The following VSIG10L2 variants were observed in gnomAD, a reference collection of about 807,000 sequenced individuals.
The protein encoded by VSIG10L2 is V-set and immunoglobulin domain-containing protein 10-like 2.
In VSIG10L2, 56 loss-of-function variants were observed where a neutral mutation model predicts 67.1. The observed-to-expected ratio is 0.83, with a 90% CI of 0.67 to 1.04. The LOEUF is 1.04. VSIG10L2 is among the 50% of genes least tolerant of loss of function. The pLI, the probability that VSIG10L2 is intolerant of heterozygous loss-of-function variation, is 0.00. For synonymous variants in VSIG10L2, 360 were observed against 396.6 expected (o/e 0.91, Z 1.10); for missense variants, 843 against 932.8 (o/e 0.90, Z 1.25).
chr11:125,950,302 G>T lies in VSIG10L2; in HGVS notation c.985+13G>T, dbSNP rs657295. Reference sequence around the variant, plus strand: ...CTCACCATCTACTGTGAGTGTGGGGGTCGGGTGACGCCCAGACCTGTCCTG... The same window carrying T: ...CTCACCATCTACTGTGAGTGTGGGGTTCGGGTGACGCCCAGACCTGTCCTG... On this transcript the variant is annotated intron_variant, in intron 4 of 11. Coordinates refer to ENST00000686984, the MANE Select transcript of VSIG10L2 (RefSeq NM_001365077.2). 2 of 1,232,360 alleles carry T rather than the reference G, an allele frequency of 1.6e-6. No homozygotes were observed. The highest frequency in any genetic ancestry group is 2.0e-6 in the Non-Finnish European group (2 of 988,134). 76.3% of individuals were successfully genotyped at this position (1,232,360 alleles called of 1,614,324 possible). A position where few individuals can be genotyped will look rare whatever the true frequency, so the allele number is the denominator to read the frequency against.
chr11:125,948,601 G>A, intron 3 of VSIG10L2, 21 bp downstream of exon 3: 1 of 1,232,020 alleles, frequency 8.1e-7, no homozygotes, highest in Non-Finnish European at 1.0e-6. Context: ...CTGTGGTGGG[G>A]GGGCTGTCAG....
chr11:125,947,109 C>G (rs994953027), intron 1 of VSIG10L2, among the ~76,000 whole-genome samples: 2 of 152,102 alleles, frequency 1.3e-5, no homozygotes, highest in East Asian at 1.9e-4. Context: ...CTTAGTTGAA[C>G]GAATGCTGGA....
rs188202532 is a variant in VSIG10L2, at chr11:125,947,952, C to T, written c.349C>T (p.Arg117Cys). The change falls in exon 2 of 12, where the codon CGT (arginine) becomes TGT (cysteine). Residue 117 changes from arginine (R) to cysteine (C), a missense_variant. Coordinates refer to ENST00000686984, the MANE Select transcript of VSIG10L2 (RefSeq NM_001365077.2). ...LVLGELHEGARGHFLCQVLHV... is the reference protein window; with the variant it reads ...LVLGELHEGACGHFLCQVLHV... The stretch of plus-strand genomic sequence containing the variant: ...GCTGGGGGAGCTTCACGAGGGTGCC[C>T]GTGGCCACTTCCTATGCCAGGTTCT... The T allele has an allele frequency of 4.0e-3, 4,966 of 1,232,320 alleles. 11 individuals carry two copies. Among genetic ancestry groups the T allele is most frequent in the Non-Finnish European group, 4.7e-3 (4,609 of 988,118 alleles). 76.3% of individuals were successfully genotyped at this position (1,232,320 alleles called of 1,614,324 possible).
rs1281883206 is a variant in VSIG10L2, at chr11:125,955,131, T to C, written c.2158T>C (p.Ser720Pro). The change falls in exon 9 of 12, where the codon TCT (serine) becomes CCT (proline). Residue 720 changes from serine (S) to proline (P), a missense_variant. Coordinates refer to ENST00000686984, the MANE Select transcript of VSIG10L2 (RefSeq NM_001365077.2). ...GGGAATGGTGGTAGCAACGGTGGCC[T>C]CTCTACTGGTGTTCCAGTATGCTGC... Reference protein sequence around the residue: ...GTGMVVATVASLLVFQYAARH... With the variant: ...GTGMVVATVAPLLVFQYAARH... 3.2e-6 allele frequency: 4 copies of C among 1,240,418 alleles called. No individual in the cohort carries two copies. In the African/African-American group the frequency reaches 6.2e-5, roughly 19 times the overall value. 76.8% of individuals were successfully genotyped at this position (1,240,418 alleles called of 1,614,324 possible).
chr11:125,947,601 C>G, intron 1 of VSIG10L2, 85 bp from the exon 2 acceptor site: 1 of 1,231,594 alleles, frequency 8.1e-7, no homozygotes, highest in Non-Finnish European at 1.0e-6. Flanking sequence ...ACTGCAGAAC[C>G]AAAAAGAGAG....
In VSIG10L2 at chr11:125,954,115, C is replaced by G; in HGVS notation, c.1815C>G (p.Ile605Met). ...ATCCAGCTCCTCCCAATGTCACCAT[C>G]AGCCGCCTGACCTACGGGAGGCACC... ...LRYPAPPNVTISRLTYGRHRR... is the reference protein window; with the variant it reads ...LRYPAPPNVTMSRLTYGRHRR... Residue 605 changes from isoleucine to methionine, a missense_variant, in exon 8 of 12, where the codon ATC (isoleucine) becomes ATG (methionine). Ile to Met is a conservative substitution (Grantham distance 10). Coordinates refer to ENST00000686984, the MANE Select transcript of VSIG10L2 (RefSeq NM_001365077.2). The G allele has an allele frequency of 8.1e-7, 1 of 1,232,266 alleles. No homozygotes were observed. 76.3% of individuals were successfully genotyped at this position (1,232,266 alleles called of 1,614,324 possible). A position where few individuals can be genotyped will look rare whatever the true frequency, so the allele number is the denominator to read the frequency against.
At chr11:125,951,735 T>C (rs912892118) in intron 5 of VSIG10L2, 78 bp from the exon 6 acceptor site, 13 of 1,378,726 alleles carry the variant, frequency 9.4e-6, no homozygotes, top group South Asian at 1.5e-5. Flanking sequence ...AAGGAACCAA[T>C]GAAGGAAGGG....
Position 125,947,966 on chromosome 11 carries a change from A to C in VSIG10L2, c.363A>C (p.Leu121=). ...ACGAGGGTGCCCGTGGCCACTTCCT[A>C]TGCCAGGTTCTGCACGTGGCTGGCG... ...ELHEGARGHF[L]CQVLHVAGGQ... Residue 121 remains leucine, a synonymous_variant, in exon 2 of 12, where the codon CTA becomes CTC. Transcript: ENST00000686984. 8.1e-7 allele frequency: 1 copy of C among 1,232,250 alleles called. No individual in the cohort carries two copies. The highest frequency in any genetic ancestry group is 1.0e-6 in the Non-Finnish European group (1 of 988,058). 76.3% of individuals were successfully genotyped at this position (1,232,250 alleles called of 1,614,324 possible).
chr11:125,954,432 C>T (rs1945422587), intron 8 of VSIG10L2, 49 bp downstream of exon 8: 4 of 1,226,082 alleles, frequency 3.3e-6, no homozygotes, highest in Non-Finnish European at 3.1e-6. Context: ...AAAGCGCTGG[C>T]CCCTGGTTCA....
At chr11:125,947,424 A>G (rs1945312810) in intron 1 of VSIG10L2, 2 of 985,266 alleles carry the variant, frequency 2.0e-6, no homozygotes, top group African/African-American at 3.5e-5. Flanking sequence ...CTAGTGACCC[A>G]TGAGGAGTGG....
chr11:125,946,241 C>A lies in VSIG10L2; in HGVS notation c.82+104C>A. On this transcript the variant is annotated intron_variant, in intron 1 of 11. Transcript: ENST00000686984. The surrounding 1 kb of genome is among the most constrained non-coding windows in gnomAD (Gnocchi z 4.4). ...CCTTTTGCACTCCATTCCATGAAGT[C>A]CGTTCAGTCATTCATCGGCTAGACA... 2.5e-6 allele frequency: 1 copy of A among 398,018 alleles called. No homozygotes were observed. The highest frequency in any genetic ancestry group is 1.3e-4 in the South Asian group (1 of 7,546). The allele number at this position is 398,018 out of a possible 1,614,324, so 24.7% of individuals were successfully genotyped here.
At chr11:125,954,785 C>T (rs1351332203) in intron 8 of VSIG10L2, among the ~76,000 whole-genome samples, 1 of 152,188 alleles carries the variant, frequency 6.6e-6, no homozygotes, top group Non-Finnish European at 1.5e-5. Context: ...CCCTTCAGCC[C>T]CAAGCCGCCA....
intron 8 of VSIG10L2, 21 bp from the exon 9 acceptor site, chr11:125,955,036 A>T: frequency 8.1e-7 from 1 of 1,233,648 alleles, no homozygotes. Flanking sequence ...AAACCATGGA[A>T]CCTGTGCTCT....
At chr11:125,953,287 T>G in intron 6 of VSIG10L2, 113 bp from the exon 7 acceptor site, 1 of 916,914 alleles carries the variant, frequency 1.1e-6, no homozygotes, top group Non-Finnish European at 1.4e-6. Flanking sequence ...ACAAGCCTCA[T>G]TGTCAACTCC....
chr11:125,954,936 G>T, intron 8 of VSIG10L2, 121 bp from the exon 9 acceptor site: 1 of 1,045,494 alleles, frequency 9.6e-7, no homozygotes, highest in Non-Finnish European at 1.2e-6. Context: ...CATGTCAGCT[G>T]CAGGGGGAAC....
In VSIG10L2 at chr11:125,950,068, G is replaced by C. The variant is rs1187032225; in HGVS notation, c.764G>C (p.Gly255Ala). ...TMEPLGLTEE[G>A]FWASEREEVT... ...GAGCCGCTGGGACTCACTGAGGAGG[G>C]CTTCTGGGCCAGTGAGAGGGAAGAG... The change falls in exon 4 of 12, where the codon GGC becomes GCC. Residue 255 changes from glycine (G) to alanine (A), a missense_variant. By Grantham distance (60) the Gly-to-Ala change is moderately conservative. Coordinates refer to ENST00000686984, the MANE Select transcript of VSIG10L2 (RefSeq NM_001365077.2). 8.1e-7 allele frequency: 1 copy of C among 1,232,250 alleles called. No individual in the cohort carries two copies. The highest frequency in any genetic ancestry group is 1.6e-5 in the African/African-American group (1 of 64,394). 76.3% of individuals were successfully genotyped at this position (1,232,250 alleles called of 1,614,324 possible). A position where few individuals can be genotyped will look rare whatever the true frequency, so the allele number is the denominator to read the frequency against.
rs189211949 is a variant in VSIG10L2, at chr11:125,955,037, C to T, written c.2084-20C>T. ...TCTGCAGTGGCTCTAAACCATGGAA[C>T]CTGTGCTCTCCCCTCCTAGCGGACC... On this transcript the variant is annotated intron_variant, in intron 8 of 11. Coordinates refer to ENST00000686984, the MANE Select transcript of VSIG10L2 (RefSeq NM_001365077.2). The T allele has an allele frequency of 9.6e-5, 118 of 1,233,960 alleles. No individual in the cohort carries two copies. The Middle Eastern group carries it at 4.0e-3, about 42-fold the overall frequency. The allele number at this position is 1,233,960 out of a possible 1,614,324, so 76.4% of individuals were successfully genotyped here.
At chr11:125,955,556 G>T in intron 10 of VSIG10L2, 50 bp downstream of exon 10, 1 of 1,412,678 alleles carries the variant, frequency 7.1e-7, no homozygotes, top group Non-Finnish European at 9.6e-7. Context: ...TCCTCCAGTT[G>T]GAAAGGAAAG....
rs1011500563 is a variant in VSIG10L2 at position 125,953,449 on chromosome 11, G to C, written c.1545G>C (p.Gly515=). ...VAEPRVSVLE[G]GEAWLECSLR... is the part of the protein sequence containing the mutation. ...AGCCCCGCGTGTCAGTGTTGGAGGG[G>C]GGAGAGGCCTGGCTGGAGTGCTCTC... The change falls in exon 7 of 12, where the codon GGG becomes GGC. Residue 515 remains glycine, a synonymous_variant. Transcript: ENST00000686984. The C allele has an allele frequency of 8.0e-5, 99 of 1,232,226 alleles. No individual in the cohort carries two copies. In the East Asian group the frequency reaches 9.8e-4, roughly 12 times the overall value. 76.3% of individuals were successfully genotyped at this position (1,232,226 alleles called of 1,614,324 possible). A position where few individuals can be genotyped will look rare whatever the true frequency, so the allele number is the denominator to read the frequency against.
Sources: allele counts gnomAD v4.1 joint callset (sites outside exome capture counted in the v4.1 genomes callset), GRCh38; gene constraint gnomAD v4.1.1; non-coding constraint Gnocchi (gnomAD v3.1); transcripts MANE v1.5; gene names NCBI Gene and HGNC (gene_info 2026-07-23, HGNC 2026-07-21).